ACACB: variants seen among roughly 807,000 people sequenced by gnomAD.
ACACB encodes the protein acetyl-CoA carboxylase 2.
A neutral mutation model predicts 278.8 loss-of-function variants in ACACB; 209 were observed. That is an observed-to-expected ratio of 0.75 (90% CI 0.67 to 0.84). The LOEUF is 0.84. ACACB is among the 40% of genes least tolerant of loss of function. The probability of loss-of-function intolerance (pLI) is 0.00; values close to 1 mark genes in which losing one functional copy is unlikely to be tolerated. For missense variants in ACACB, 2,850 were observed against 3,269.0 expected (o/e 0.87, Z 3.13); for synonymous variants, 1,174 against 1,285.6 (o/e 0.91, Z 1.86).
At chr12:109,194,185 T>TG (rs1333132042) in intron 16 of ACACB, among the ~76,000 whole-genome samples, 4,585 of 151,434 alleles carry the variant, frequency 0.03, 175 homozygotes, top group African/African-American at 0.089. Flanking sequence ...CTCTGTTTTT[T>TG]TTTTTTGTTG....
chr12:109,187,670 G>T (rs1011428195), intron 12 of ACACB, among the ~76,000 whole-genome samples: 6 of 151,666 alleles, frequency 4.0e-5, no homozygotes, highest in African/African-American at 1.5e-4. Context: ...ATGTTACTCT[G>T]GCTGGTTTTG....
rs142132176 is a variant in ACACB at position 109,144,492 on chromosome 12, C to T, written c.653+4434C>T. On this transcript the variant is annotated intron_variant, in intron 2 of 52. Coordinates refer to ENST00000338432, the MANE Select transcript of ACACB (RefSeq NM_001093.4). ...CTCTTCCCTGGTGTTCACAGGTCAA[C>T]ACCCAAGCAGTTTTGGGTGTAGGCC... Among the ~76,000 whole-genome samples, 156 of 152,240 alleles carry T rather than the reference C, an allele frequency of 1.0e-3. 1 individual carries two copies. In the South Asian group the frequency reaches 0.017, roughly 17 times the overall value.
intron 44 of ACACB, among the ~76,000 whole-genome samples, chr12:109,255,443 C>G (rs1215293692): frequency 6.6e-6 from 1 of 152,180 alleles, no homozygotes; most frequent in Non-Finnish European, 1.5e-5. Context: ...CCTGTAAACA[C>G]TGAGGGGGCT....
chr12:109,252,895 T>G (rs751922997), intron 42 of ACACB, 120 bp from the exon 43 acceptor site: 8 of 1,007,592 alleles, frequency 7.9e-6, no homozygotes, highest in Non-Finnish European at 1.1e-5. Flanking sequence ...TCAGGATTTG[T>G]GAAATCTCCT....
intron 41 of ACACB, 53 bp downstream of exon 41, chr12:109,250,157 T>G: frequency 6.6e-7 from 1 of 1,505,426 alleles, no homozygotes; most frequent in African/African-American, 1.4e-5. Context: ...ATAGAAACTT[T>G]AAAATTGTCA....
chr12:109,232,620 T>C, intron 28 of ACACB, 49 bp from the exon 29 acceptor site: 1 of 1,595,014 alleles, frequency 6.3e-7, no homozygotes, highest in Non-Finnish European at 8.6e-7. Context: ...GCTCGTAGAG[T>C]TGGGTCTGCA....
In ACACB at chr12:109,176,798, G is replaced by A. The variant is rs142202648; in HGVS notation, c.1437+535G>A. Among the ~76,000 whole-genome samples the A allele has an allele frequency of 9.2e-5, 14 of 152,192 alleles. No individual in the cohort carries two copies. The East Asian group carries it at 2.5e-3, about 27-fold the overall frequency. ...CACGCAGCTCATTTTTGTCTTTTTA[G>A]TAGAGACAGAGTTTCACCATGTTGG... On this transcript the variant is annotated intron_variant, in intron 9 of 52. Coordinates refer to ENST00000338432, the MANE Select transcript of ACACB (RefSeq NM_001093.4).
intron 24 of ACACB, among the ~76,000 whole-genome samples, chr12:109,218,291 C>T (rs1230640064): frequency 7.3e-5 from 11 of 150,818 alleles, no homozygotes; most frequent in Admixed American, 7.3e-4. Context: ...AGCCTCTATC[C>T]CCTGGGCTTA....
chr12:109,237,604 G>A (rs973823123), intron 34 of ACACB, among the ~76,000 whole-genome samples: 1 of 152,102 alleles, frequency 6.6e-6, no homozygotes, highest in Non-Finnish European at 1.5e-5. Flanking sequence ...TGTATTATGT[G>A]GGTCTCTGCG....
rs753532997 is a variant in ACACB at position 109,185,714 on chromosome 12, A to G, written c.1954A>G (p.Arg652Gly). The G allele has an allele frequency of 1.2e-6, 2 of 1,611,216 alleles. No homozygotes were observed. Among genetic ancestry groups the G allele is most frequent in the East Asian group, 4.5e-5 (2 of 44,656 alleles). ...CGCCCGAGGCCACGTCATTGCCGCCAGAATCACCAGCGAAAACCCAGACGA... is the reference window on the plus strand; with the variant it reads ...CGCCCGAGGCCACGTCATTGCCGCCGGAATCACCAGCGAAAACCCAGACGA... ...PLARGHVIAA[R>G]ITSENPDEGF... The change falls in exon 12 of 53, where the codon AGA becomes GGA. Residue 652 changes from arginine (R) to glycine (G), a missense_variant. Transcript: ENST00000338432.
At chr12:109,231,661 G>C (rs1038926190) in intron 28 of ACACB, among the ~76,000 whole-genome samples, 3 of 152,134 alleles carry the variant, frequency 2.0e-5, no homozygotes, top group African/African-American at 7.2e-5. Flanking sequence ...GACTTATTAG[G>C]GGGCAAGGAT....
At chr12:109,218,095 T>G (rs2046055883) in intron 24 of ACACB, among the ~76,000 whole-genome samples, 1 of 152,202 alleles carries the variant, frequency 6.6e-6, no homozygotes, top group Admixed American at 6.5e-5. Context: ...ACTCATGAAC[T>G]ATTAGCCGCA....
intron 21 of ACACB, among the ~76,000 whole-genome samples, chr12:109,212,096 C>T (rs538091770): frequency 6.6e-6 from 1 of 152,218 alleles, no homozygotes; most frequent in East Asian, 1.9e-4. Context: ...TCCATGTGAT[C>T]GCTGGCATTT....
intron 40 of ACACB, chr12:109,249,735 G>C (rs1298421206): frequency 6.5e-6 from 2 of 306,210 alleles, no homozygotes; most frequent in Non-Finnish European, 1.2e-5. Flanking sequence ...CAAGTAATCT[G>C]CCCGCCTCGT....
Position 109,238,427 on chromosome 12 carries a change from ATATAT to A in ACACB, c.4662+1053_4662+1057del, listed in dbSNP as rs536745861. Among the ~76,000 whole-genome samples the A allele has an allele frequency of 8.4e-3, 1,157 of 137,166 alleles. 14 individuals are homozygous for A. The highest frequency in any genetic ancestry group is 0.029 in the African/African-American group (1,110 of 37,692). 90.0% of individuals were successfully genotyped at this position (137,166 alleles called of 152,430 possible). On this transcript the variant is annotated intron_variant, in intron 34 of 52. Transcript: ENST00000338432. ...ATAATTATATATAATAATATATATAATATATTATATAATATAACATATAATATACA... is the reference window on the plus strand; with the variant it reads ...ATAATTATATATAATAATATATATAATATATAATATAACATATAATATACA...
intron 18 of ACACB, among the ~76,000 whole-genome samples, chr12:109,200,227 G>A (rs989144685): frequency 3.6e-4 from 54 of 151,318 alleles, no homozygotes; most frequent in African/African-American, 1.1e-3. Flanking sequence ...TCTGTCACCC[G>A]GGCTGGAGTG....
intron 15 of ACACB, among the ~76,000 whole-genome samples, chr12:109,192,200 C>T: frequency 6.6e-6 from 1 of 152,138 alleles, no homozygotes; most frequent in East Asian, 1.9e-4. Context: ...CGGATCCATG[C>T]TGACTTGTGT....
chr12:109,130,764 G>A (rs1295651135), intron 1 of ACACB, among the ~76,000 whole-genome samples: 1 of 152,134 alleles, frequency 6.6e-6, no homozygotes, highest in Non-Finnish European at 1.5e-5. Context: ...ATTTGCAAAA[G>A]GACATTGCGC....
In ACACB at chr12:109,222,798, G is replaced by T; in HGVS notation, c.3679-1G>T. ...CAGCGCCCCCATCCCTCCCCCTGCAGATCCTGATTGCCTCCCACCTCCCCT... is the reference window on the plus strand; with the variant it reads ...CAGCGCCCCCATCCCTCCCCCTGCATATCCTGATTGCCTCCCACCTCCCCT... On this transcript the variant is annotated splice_acceptor_variant, in intron 25 of 52. Coordinates refer to ENST00000338432, the MANE Select transcript of ACACB (RefSeq NM_001093.4). LOFTEE classifies it high-confidence loss of function. The T allele has an allele frequency of 3.7e-6, 6 of 1,612,332 alleles. No homozygotes were observed. The highest frequency in any genetic ancestry group is 5.1e-6 in the Non-Finnish European group (6 of 1,178,912).
Sources: gnomAD v4.1 joint callset for allele counts (sites outside exome capture counted in the v4.1 genomes callset) on GRCh38, gnomAD v4.1.1 for gene constraint, MANE v1.5 for transcripts, NCBI Gene and HGNC (gene_info 2026-07-23, HGNC 2026-07-21) for gene names.